DOCK8: variants seen among roughly 807,000 people sequenced by gnomAD.
The protein encoded by DOCK8 is dedicator of cytokinesis 8, also known as dedicator of cytokinesis protein 8.
In DOCK8, 141 loss-of-function variants were observed where a neutral mutation model predicts 245.6. The observed-to-expected ratio is 0.57, with a 90% CI of 0.50 to 0.66. DOCK8 has a LOEUF of 0.66. DOCK8 is among the 30% of genes least tolerant of loss of function. The probability of loss-of-function intolerance (pLI) is 0.00; values close to 1 mark genes in which losing one functional copy is unlikely to be tolerated. For missense variants in DOCK8, 2,965 were observed against 2,603.4 expected (o/e 1.14, Z -3.02); for synonymous variants, 1,168 against 970.2 (o/e 1.20, Z -3.79).
chr9:331,084 C>G (rs1193480933), intron 9 of DOCK8, among the ~76,000 whole-genome samples: 1 of 152,216 alleles, frequency 6.6e-6, no homozygotes, highest in Non-Finnish European at 1.5e-5. Context: ...TTAATCCATT[C>G]ACTTCATGGA....
intron 2 of DOCK8, 129 bp from the exon 3 acceptor site, chr9:286,332 C>T (rs535336150): frequency 4.7e-5 from 49 of 1,047,098 alleles, no homozygotes; most frequent in Non-Finnish European, 6.5e-5. Context: ...CAAAGAGTCG[C>T]TCCGTTTTAT....
chr9:363,247 T>C (rs2052818850), intron 14 of DOCK8, among the ~76,000 whole-genome samples: 2 of 152,232 alleles, frequency 1.3e-5, no homozygotes, highest in Admixed American at 1.3e-4. Context: ...GCCTGGCACA[T>C]ACACTGGACC....
Position 414,843 on chromosome 9 carries a change from C to G in DOCK8, c.3592C>G (p.Leu1198Val). 1.2e-6 allele frequency: 2 copies of G among 1,614,182 alleles called. No individual in the cohort carries two copies. The highest frequency in any genetic ancestry group is 1.7e-6 in the Non-Finnish European group (2 of 1,180,026). The change falls in exon 29 of 48, where the codon CTG becomes GTG. Residue 1198 changes from leucine (L) to valine (V), a missense_variant. Physicochemically the swap from Leu to Val is conservative, Grantham distance 32 (BLOSUM62 1). Around this residue, in one of 3 missense-constraint regions of DOCK8, gnomAD observed 2,825 missense variants for 2,453.5 expected, o/e 1.15. Coordinates refer to ENST00000432829, the MANE Select transcript of DOCK8 (RefSeq NM_203447.4). ...TCACAGCCTGCTAAGTTCTCACGACCTGGACCCACGCTGTGTCAAACCAGA... is the reference window on the plus strand; with the variant it reads ...TCACAGCCTGCTAAGTTCTCACGACGTGGACCCACGCTGTGTCAAACCAGA... ...AIHSLLSSHD[L>V]DPRCVKPEVK...
intron 30 of DOCK8, among the ~76,000 whole-genome samples, chr9:419,487 G>T (rs1042251421): frequency 1.3e-5 from 2 of 152,204 alleles, no homozygotes; most frequent in African/African-American, 4.8e-5. Context: ...AAGTTCACCT[G>T]TTAGAACATA....
In DOCK8 at chr9:327,368, T is replaced by C. The variant is rs533247438; in HGVS notation, c.895-654T>C. 2.4e-4 allele frequency among the ~76,000 whole-genome samples: 37 copies of C among 152,084 alleles called. 1 individual carries two copies. The highest frequency in any genetic ancestry group is 8.9e-4 in the African/African-American group (37 of 41,466). ...TGTATTTTGCTTTTACTGTAGTTAG[T>C]TACATGTTTACCTTTTCCCTCACCT... On this transcript the variant is annotated intron_variant, in intron 8 of 47. Transcript: ENST00000432829.
intron 5 of DOCK8, among the ~76,000 whole-genome samples, chr9:307,367 T>TGAGATGGAG: frequency 8.5e-6 from 1 of 118,106 alleles, no homozygotes; most frequent in African/African-American, 3.1e-5. Flanking sequence ...TTTTTTTTTT[T>TGAGATGGAG]TTTTTTTTTG....
chr9:289,509 G>T lies in DOCK8; in HGVS notation c.333-1G>T. 6.2e-7 allele frequency: 1 copy of T among 1,613,120 alleles called. No homozygotes were observed. ...GTTTATTTCATTTTCTACCTCATTAGGGTTGAACTGGACCCTCATGTCAGG... is the reference window on the plus strand; with the variant it reads ...GTTTATTTCATTTTCTACCTCATTATGGTTGAACTGGACCCTCATGTCAGG... On this transcript the variant is annotated splice_acceptor_variant, in intron 3 of 47. Transcript: ENST00000432829. LOFTEE classifies it high-confidence loss of function.
At chr9:445,847 A>G (rs998170000) in intron 43 of DOCK8, among the ~76,000 whole-genome samples, 1 of 152,200 alleles carries the variant, frequency 6.6e-6, no homozygotes, top group Non-Finnish European at 1.5e-5. Context: ...TGCTGGGTCC[A>G]ATGGTAGTGC....
At chr9:390,327 C>A in intron 23 of DOCK8, 144 bp from the exon 24 acceptor site, 3 of 764,816 alleles carry the variant, frequency 3.9e-6, no homozygotes, top group South Asian at 1.5e-5. Flanking sequence ...TTGCCATCCA[C>A]CACTTACTGC....
At chr9:284,492 G>A (rs2048726272) in intron 2 of DOCK8, 1 of 152,236 alleles carries the variant, frequency 6.6e-6, no homozygotes, top group African/African-American at 2.4e-5. Flanking sequence ...GAAACGAGGG[G>A]AATGCTTTGC....
intron 2 of DOCK8, chr9:280,797 C>G (rs1420288955): frequency 6.6e-6 from 1 of 152,228 alleles, no homozygotes; most frequent in Admixed American, 6.5e-5. Flanking sequence ...CCAGCTCTTG[C>G]AGGAGAACTC....
At chr9:347,884 C>A (rs980797848) in intron 14 of DOCK8, among the ~76,000 whole-genome samples, 11 of 152,196 alleles carry the variant, frequency 7.2e-5, no homozygotes, top group Non-Finnish European at 4.4e-5. Flanking sequence ...TATTCAGCCA[C>A]TAGAGGACAC....
chr9:419,381 T>C (rs1454914433), intron 30 of DOCK8, among the ~76,000 whole-genome samples: 2 of 152,152 alleles, frequency 1.3e-5, no homozygotes, highest in African/African-American at 4.8e-5. Context: ...TGTGACCTCC[T>C]CCACCTTTCT....
chr9:335,078 T>C (rs2051245962), intron 11 of DOCK8, among the ~76,000 whole-genome samples: 1 of 151,600 alleles, frequency 6.6e-6, no homozygotes, highest in Non-Finnish European at 1.5e-5. Context: ...CATGACTTTG[T>C]CTCAAAAAAA....
At chr9:278,859 C>T (rs1045089781) in intron 2 of DOCK8, among the ~76,000 whole-genome samples, 1 of 152,176 alleles carries the variant, frequency 6.6e-6, no homozygotes, top group Non-Finnish European at 1.5e-5. Flanking sequence ...AACATTGGCT[C>T]CTACTCTAAG....
At chr9:262,626 A>G (rs574355251) in intron 1 of DOCK8, among the ~76,000 whole-genome samples, 2 of 151,830 alleles carry the variant, frequency 1.3e-5, no homozygotes, top group South Asian at 4.2e-4. Context: ...TCGAAAATGC[A>G]AAGGATCTAC....
intron 29 of DOCK8, among the ~76,000 whole-genome samples, chr9:417,211 G>A (rs1261673439): frequency 6.6e-6 from 1 of 152,118 alleles, no homozygotes; most frequent in Non-Finnish European, 1.5e-5. Flanking sequence ...GAGGATGGAG[G>A]GGCAGAGATT....
At chr9:281,268 T>C (rs963530298) in intron 2 of DOCK8, among the ~76,000 whole-genome samples, 3 of 152,190 alleles carry the variant, frequency 2.0e-5, no homozygotes, top group East Asian at 1.9e-4. Flanking sequence ...AAAGTAGTTT[T>C]GGTTTTTAAT....
At chr9:308,127 A>G (rs980655934) in intron 5 of DOCK8, among the ~76,000 whole-genome samples, 9 of 152,230 alleles carry the variant, frequency 5.9e-5, no homozygotes, top group Non-Finnish European at 8.8e-5. Flanking sequence ...AATAAGTTCT[A>G]GTATTTGATA....
Sources: allele counts gnomAD v4.1 joint callset (sites outside exome capture counted in the v4.1 genomes callset), GRCh38; gene constraint gnomAD v4.1.1; regional missense constraint gnomAD v4.1.1; transcripts MANE v1.5; gene names NCBI Gene and HGNC (gene_info 2026-07-23, HGNC 2026-07-21).